Variants in NAALADL2 observed in about 807,000 individuals in gnomAD.
NAALADL2 encodes N-acetylated alpha-linked acidic dipeptidase like 2.
NAALADL2 carries 76 observed loss-of-function variants against 87.2 expected under a neutral mutation model. That is an observed-to-expected ratio of 0.87 (90% CI 0.72 to 1.05). The LOEUF (loss-of-function observed/expected upper bound fraction) is 1.05. Ranked by LOEUF, NAALADL2 falls within the 50% of genes least tolerant of loss-of-function variation. The pLI is 0.00. For synonymous variants in NAALADL2, 354 were observed against 331.0 expected (o/e 1.07, Z -0.75); for missense variants, 1,089 against 945.8 (o/e 1.15, Z -1.99).
chr3:175,473,857 A>T (rs1725257838), intron 9 of NAALADL2, among the ~76,000 whole-genome samples: 1 of 152,160 alleles, frequency 6.6e-6, no homozygotes, highest in Admixed American at 6.6e-5. Context: ...AGATTTTATC[A>T]ATGATTAAGG....
intron 5 of NAALADL2, among the ~76,000 whole-genome samples, chr3:175,350,409 C>T (rs999243224): frequency 1.3e-5 from 2 of 152,054 alleles, no homozygotes; most frequent in East Asian, 1.9e-4. Context: ...GTTTTTCTTC[C>T]GTTCATACTG....
chr3:175,225,115 A>G (rs1463922905), intron 2 of NAALADL2, among the ~76,000 whole-genome samples: 1 of 152,182 alleles, frequency 6.6e-6, no homozygotes, highest in African/African-American at 2.4e-5. Flanking sequence ...TTGTTCTGAC[A>G]TAATCATTAT....
intron 10 of NAALADL2, among the ~76,000 whole-genome samples, chr3:175,579,633 C>T (rs6792140): frequency 0.14 from 21,769 of 152,152 alleles, 4,110 homozygotes; most frequent in African/African-American, 0.44. Flanking sequence ...TTGTAAGCTT[C>T]ATTTAAATAA....
chr3:175,699,386 G>C (rs1738659731), intron 11 of NAALADL2, among the ~76,000 whole-genome samples: 1 of 151,988 alleles, frequency 6.6e-6, no homozygotes. Flanking sequence ...GTTTTCTTGA[G>C]TAGTCCTCTG....
chr3:175,569,474 G>A (rs1164932888), intron 9 of NAALADL2, among the ~76,000 whole-genome samples: 3 of 152,058 alleles, frequency 2.0e-5, no homozygotes, highest in African/African-American at 7.2e-5. Context: ...AAATGTTTGT[G>A]TCCCCTCAAA....
rs538876012 is a variant in NAALADL2 at position 174,949,629 on chromosome 3, A to G, written c.43+90179A>G. Reference sequence around the variant, plus strand: ...AGGACCAACATCACAAATGAGCCATACTATAAACACGGAACACCATTGCAC... The same window carrying G: ...AGGACCAACATCACAAATGAGCCATGCTATAAACACGGAACACCATTGCAC... On this transcript the variant is annotated intron_variant, in intron 1 of 13. Transcript: ENST00000454872. 2.0e-4 allele frequency among the ~76,000 whole-genome samples: 31 copies of G among 152,342 alleles called. No homozygotes were observed. The South Asian group carries it at 6.2e-3, about 31-fold the overall frequency.
At chr3:175,708,075 A>T (rs1327588945) in intron 11 of NAALADL2, among the ~76,000 whole-genome samples, 2 of 152,116 alleles carry the variant, frequency 1.3e-5, no homozygotes, top group African/African-American at 4.8e-5. Flanking sequence ...TCCAGAAGTG[A>T]CAAGGAGTTG....
In NAALADL2 at chr3:175,803,185, C is replaced by G. The variant is rs1262951416; in HGVS notation, c.2370C>G (p.Val790=). The change falls in exon 14 of 14, where the codon GTC becomes GTG. Residue 790 remains valine (V), a synonymous_variant. Transcript: ENST00000454872. ...CAGGACTTGATGTGTTCAAGAGTGT[C>G]TTGGATGGGAAGAATTGAGAAAACT... ...FKAGLDVFKS[V]LDGKN 6.2e-7 allele frequency: 1 copy of G among 1,601,990 alleles called. No individual in the cohort carries two copies. The highest frequency in any genetic ancestry group is 1.1e-5 in the South Asian group (1 of 89,766).
intron 2 of NAALADL2, among the ~76,000 whole-genome samples, chr3:175,166,169 C>T (rs1160520108): frequency 6.6e-6 from 1 of 151,874 alleles, no homozygotes; most frequent in African/African-American, 2.4e-5. Context: ...CAGAATCATG[C>T]CTTAGAAAAT....
intron 1 of NAALADL2, among the ~76,000 whole-genome samples, chr3:174,876,617 CTT>C (rs560446962): frequency 2.9e-4 from 44 of 152,184 alleles, no homozygotes; most frequent in Non-Finnish European, 5.9e-4. Context: ...CCACCCTCCT[CTT>C]TAGTTTTTCC....
At chr3:175,495,092 A>ATATTT (rs754412056) in intron 9 of NAALADL2, among the ~76,000 whole-genome samples, 2,718 of 136,404 alleles carry the variant, frequency 0.02, 94 homozygotes, top group East Asian at 0.11. Context: ...ATATATATAT[A>ATATTT]TTTTTTTTTA....
chr3:175,132,144 C>A (rs1180613560), intron 2 of NAALADL2, among the ~76,000 whole-genome samples: 2 of 127,004 alleles, frequency 1.6e-5, no homozygotes, highest in African/African-American at 3.2e-5. Context: ...GGCTGACCCC[C>A]CCACCTCCCT....
At chr3:174,933,486 T>G (rs774582358) in intron 1 of NAALADL2, among the ~76,000 whole-genome samples, 55 of 152,220 alleles carry the variant, frequency 3.6e-4, no homozygotes, top group Admixed American at 3.3e-4. Context: ...TCATTATAGG[T>G]TCTGACACTT....
chr3:174,646,826 A>G (rs565162155), intron 2 of NAALADL2, among the ~76,000 whole-genome samples: 2 of 152,032 alleles, frequency 1.3e-5, no homozygotes, highest in South Asian at 4.1e-4. Flanking sequence ...ATTTTAATAA[A>G]GTAACATGAC....
At chr3:174,473,344 A>ACACGAT (rs1212589700) in intron 1 of NAALADL2, among the ~76,000 whole-genome samples, 49 of 152,270 alleles carry the variant, frequency 3.2e-4, no homozygotes, top group Non-Finnish European at 4.7e-4. Context: ...CATCAACCCT[A>ACACGAT]CAAAGGATCG....
chr3:175,345,337 T>A (rs1239954686), intron 5 of NAALADL2, among the ~76,000 whole-genome samples: 2 of 152,078 alleles, frequency 1.3e-5, no homozygotes, highest in Admixed American at 6.6e-5. Context: ...GAATGTTTGT[T>A]AAATAATATT....
intron 3 of NAALADL2, among the ~76,000 whole-genome samples, chr3:175,236,365 G>C (rs938881406): frequency 1.3e-5 from 2 of 151,852 alleles, no homozygotes; most frequent in Non-Finnish European, 2.9e-5. Flanking sequence ...GACCAACACA[G>C]TGAAACCCTG....
intron 9 of NAALADL2, among the ~76,000 whole-genome samples, chr3:175,472,026 TA>T (rs147839646): frequency 0.028 from 4,281 of 152,126 alleles, 189 homozygotes; most frequent in East Asian, 0.13. Context: ...AATATATTTT[TA>T]AAAAATATAT....
chr3:175,198,101 T>G (rs1739288272), intron 2 of NAALADL2, among the ~76,000 whole-genome samples: 1 of 152,124 alleles, frequency 6.6e-6, no homozygotes, highest in Non-Finnish European at 1.5e-5. Flanking sequence ...AATATCTAAT[T>G]TATTTAATCA....
Sources: gnomAD v4.1 joint callset for allele counts (sites outside exome capture counted in the v4.1 genomes callset) on GRCh38, gnomAD v4.1.1 for gene constraint, MANE v1.5 for transcripts, NCBI Gene and HGNC (gene_info 2026-07-23, HGNC 2026-07-21) for gene names.